Variants in C12orf56 observed in about 807,000 individuals in gnomAD.
C12orf56 encodes chromosome 12 open reading frame 56, also known as uncharacterized protein C12orf56.
C12orf56 carries 71 observed loss-of-function variants against 69.9 expected under a neutral mutation model. The ratio of observed to expected loss-of-function variants is 1.02; its 90% CI spans 0.84 to 1.24. The LOEUF is 1.24. Among genes scored for constraint, C12orf56 ranks in the 50% most tolerant of loss-of-function variants. C12orf56 has a pLI of 0.00. For missense variants in C12orf56, 732 were observed against 738.5 expected (o/e 0.99, Z 0.10); for synonymous variants, 276 against 274.1 (o/e 1.01, Z -0.07).
chr12:64,329,159 A>AT lies in C12orf56; in HGVS notation c.488+1800dup, dbSNP rs376280810. Among the ~76,000 whole-genome samples, 154 of 152,198 alleles carry AT rather than the reference A, an allele frequency of 1.0e-3. 1 individual carries two copies. Among genetic ancestry groups the AT allele is most frequent in the African/African-American group, 3.6e-3 (151 of 41,530 alleles). On this transcript the variant is annotated intron_variant, in intron 3 of 12. Coordinates refer to ENST00000543942, the MANE Select transcript of C12orf56 (RefSeq NM_001170633.2). ...GAAATTTCAACTGTCAGATGAACTT[A>AT]TACACCAGATAAGCCCACTAGAACC...
intron 1 of C12orf56, among the ~76,000 whole-genome samples, chr12:64,361,143 C>T (rs1027691430): frequency 1.3e-5 from 2 of 152,058 alleles, no homozygotes; most frequent in Non-Finnish European, 2.9e-5. Flanking sequence ...CGCTTGAACC[C>T]GGGAGGCAGA....
In C12orf56 at chr12:64,360,778, TAA is replaced by T. The variant is rs2039389375; in HGVS notation, c.253-7724_253-7723del. Among the ~76,000 whole-genome samples the T allele has an allele frequency of 2.6e-5, 4 of 152,288 alleles. No individual in the cohort carries two copies. In the South Asian group the frequency reaches 8.3e-4, roughly 32 times the overall value. ...TTTAGCACAGGCAATAATATCTAAG[TAA>T]TATATACCTGAAAATAATTTTAAAA... On this transcript the variant is annotated intron_variant, in intron 1 of 12. Coordinates refer to ENST00000543942, the MANE Select transcript of C12orf56 (RefSeq NM_001170633.2).
intron 12 of C12orf56, among the ~76,000 whole-genome samples, chr12:64,269,881 GC>G (rs1161761490): frequency 6.6e-6 from 1 of 152,006 alleles, no homozygotes; most frequent in African/African-American, 2.4e-5. Context: ...GAGCCACCAT[GC>G]CCAGCCAAGT....
At chr12:64,319,414 G>C (rs1326273137) in intron 3 of C12orf56, among the ~76,000 whole-genome samples, 4 of 152,136 alleles carry the variant, frequency 2.6e-5, no homozygotes, top group Non-Finnish European at 5.9e-5. Context: ...TTGTTTGTTT[G>C]AGACCGGGTC....
chr12:64,383,713 T>C (rs1203324805), intron 1 of C12orf56, among the ~76,000 whole-genome samples: 1 of 151,858 alleles, frequency 6.6e-6, no homozygotes, highest in Admixed American at 6.6e-5. Context: ...TAGGTAAATG[T>C]GCTGATACAA....
intron 3 of C12orf56, among the ~76,000 whole-genome samples, chr12:64,326,502 C>T (rs1401711602): frequency 3.3e-5 from 5 of 152,120 alleles, no homozygotes; most frequent in South Asian, 2.1e-4. Context: ...CACCGCCAGC[C>T]GAGGTGAGTG....
At chr12:64,324,445 T>C (rs1256279753) in intron 3 of C12orf56, among the ~76,000 whole-genome samples, 2 of 152,310 alleles carry the variant, frequency 1.3e-5, no homozygotes, top group East Asian at 3.9e-4. Context: ...AAGAACTCTC[T>C]GGGATGAGGA....
At chr12:64,308,980 G>GAAAAGAAAGA (rs1555188291) in intron 5 of C12orf56, among the ~76,000 whole-genome samples, 1 of 121,588 alleles carries the variant, frequency 8.2e-6, no homozygotes, top group African/African-American at 2.9e-5. Context: ...AGAAAAGAAA[G>GAAAAGAAAGA]AAAGAAAAGA....
chr12:64,311,996 G>A (rs956539398), intron 5 of C12orf56, among the ~76,000 whole-genome samples: 3 of 152,282 alleles, frequency 2.0e-5, no homozygotes, highest in African/African-American at 4.8e-5. Context: ...TAGTAAAGGC[G>A]CAATAAATAA....
chr12:64,298,119 C>T (rs2038393060), intron 6 of C12orf56, among the ~76,000 whole-genome samples: 1 of 150,662 alleles, frequency 6.6e-6, no homozygotes, highest in African/African-American at 2.4e-5. Context: ...TTTTGATTTG[C>T]ATTTCTCTAA....
chr12:64,281,290 C>A (rs2038122941), intron 8 of C12orf56, among the ~76,000 whole-genome samples: 2 of 149,084 alleles, frequency 1.3e-5, no homozygotes, highest in African/African-American at 5.0e-5. Flanking sequence ...GAAAAAAGAG[C>A]CCGGGTGCGG....
intron 6 of C12orf56, among the ~76,000 whole-genome samples, chr12:64,295,386 T>C (rs1428035346): frequency 6.6e-6 from 1 of 152,154 alleles, no homozygotes; most frequent in African/African-American, 2.4e-5. Context: ...TCTCAGCCTG[T>C]GTAATCTCAC....
chr12:64,305,546 T>G (rs1312002871), intron 5 of C12orf56, among the ~76,000 whole-genome samples: 1 of 152,100 alleles, frequency 6.6e-6, no homozygotes, highest in Non-Finnish European at 1.5e-5. Context: ...CATACCCAGC[T>G]AATTTTTTGT....
chr12:64,276,993 T>TA (rs200351319), intron 9 of C12orf56, among the ~76,000 whole-genome samples: 901 of 69,210 alleles, frequency 0.013, 75 homozygotes, highest in African/African-American at 0.047. Flanking sequence ...AACCCTTTCT[T>TA]AAAAAAAAAA....
chr12:64,388,595 G>A (rs2039825106), intron 1 of C12orf56, among the ~76,000 whole-genome samples: 3 of 152,284 alleles, frequency 2.0e-5, no homozygotes, highest in East Asian at 3.9e-4. Flanking sequence ...AAAAAATTTA[G>A]TTCAAGGCCA....
At chr12:64,277,850 G>A (rs1022487036) in intron 8 of C12orf56, 47 bp from the exon 9 acceptor site, 2 of 1,410,064 alleles carry the variant, frequency 1.4e-6, no homozygotes, top group Admixed American at 2.3e-5. Flanking sequence ...AGTGTTGAGA[G>A]GAAAAATGGT....
chr12:64,308,235 T>C (rs1474869180), intron 5 of C12orf56, among the ~76,000 whole-genome samples: 1 of 152,090 alleles, frequency 6.6e-6, no homozygotes, highest in African/African-American at 2.4e-5. Context: ...GGCATGAGAA[T>C]TGCTCGAGCC....
At chr12:64,294,335 A>G (rs146774192) in intron 6 of C12orf56, among the ~76,000 whole-genome samples, 1 of 152,340 alleles carries the variant, frequency 6.6e-6, no homozygotes, top group African/African-American at 2.4e-5. Flanking sequence ...ATTTCTGAGT[A>G]TATACCCAAA....
rs150215203 is a variant in C12orf56 at position 64,369,394 on chromosome 12, C to T, written c.253-16338G>A. ...TGTATTTTTAGTAGAGACAGGGTTT[C>T]GCCATATTGGCCGGGCTGGTCTTGA... On this transcript the variant is annotated intron_variant, in intron 1 of 12. Coordinates refer to ENST00000543942, the MANE Select transcript of C12orf56 (RefSeq NM_001170633.2). Among the ~76,000 whole-genome samples the T allele has an allele frequency of 5.8e-3, 885 of 152,022 alleles. 13 individuals carry two copies. The highest frequency in any genetic ancestry group is 0.019 in the African/African-American group (806 of 41,520).
Sources: gnomAD v4.1 joint callset for allele counts (sites outside exome capture counted in the v4.1 genomes callset) on GRCh38, gnomAD v4.1.1 for gene constraint, MANE v1.5 for transcripts, NCBI Gene and HGNC (gene_info 2026-07-23, HGNC 2026-07-21) for gene names.